The following TEX9 variants were observed in gnomAD, a reference collection of about 807,000 sequenced individuals.
TEX9 encodes testis expressed 9.
A neutral mutation model predicts 59.6 loss-of-function variants in TEX9; 74 were observed. The ratio of observed to expected loss-of-function variants is 1.24; its 90% confidence interval spans 1.03 to 1.51. The LOEUF (loss-of-function observed/expected upper bound fraction) is 1.51. TEX9 is among the 40% of genes most tolerant of loss of function. The probability of loss-of-function intolerance (pLI) is 0.00; values close to 1 mark genes in which losing one functional copy is unlikely to be tolerated. For missense variants in TEX9, 522 were observed against 447.8 expected (o/e 1.17, Z -1.49); for synonymous variants, 186 against 152.2 (o/e 1.22, Z -1.64).
Position 56,339,414 on chromosome 15 carries a change from A to AAAAAAAAG in TEX9, c.-106-34027_-106-34026insAAAAAAAG, listed in dbSNP as rs2046330944. Among the ~76,000 whole-genome samples the AAAAAAAAG allele has an allele frequency of 1.4e-5, 2 of 147,134 alleles. 1 individual carries two copies. Among genetic ancestry groups the AAAAAAAAG allele is most frequent in the African/African-American group, 5.1e-5 (2 of 39,320 alleles). ...AAAAAAAAAAAAAAAAAAAAAAAAA[A>AAAAAAAAG]CAGGAGAATAACTTAGCCCCTGGGC... On this transcript the variant is annotated intron_variant, in intron 1 of 5. Transcript: ENST00000560827.
Position 56,334,342 on chromosome 15 carries a change from G to A in TEX9, c.-106-39099G>A, listed in dbSNP as rs550055912. ...ACCAGTGGAACATAGTAGAGAGCCC[G>A]GAAATAAGTCTGTACACCTACAGTG... On this transcript the variant is annotated intron_variant, in intron 1 of 5. Transcript: ENST00000560827. 1.9e-3 allele frequency among the ~76,000 whole-genome samples: 285 copies of A among 152,074 alleles called. 1 individual carries two copies. The highest frequency in any genetic ancestry group is 6.5e-3 in the African/African-American group (271 of 41,512).
chr15:56,365,328 C>A, upstream of TEX9: 1 of 1,328,704 alleles, frequency 7.5e-7, no homozygotes, highest in Non-Finnish European at 1.0e-6. Context: ...AGGCTCGCGC[C>A]GCTCGCAGCA....
intron 6 of TEX9, among the ~76,000 whole-genome samples, chr15:56,389,650 G>T (rs2048116263): frequency 6.6e-6 from 1 of 151,186 alleles, no homozygotes; most frequent in Admixed American, 6.6e-5. Context: ...TTTTATAAAT[G>T]TTATTTCTAG....
chr15:56,371,411 G>T (rs1459577622), intron 2 of TEX9, among the ~76,000 whole-genome samples: 1 of 151,626 alleles, frequency 6.6e-6, no homozygotes, highest in African/African-American at 2.4e-5. Flanking sequence ...TTCAAATTCA[G>T]CATTCTTTTA....
At chr15:56,364,320 ATT>A (rs77946095), upstream of TEX9, among the ~76,000 whole-genome samples, 1 of 144,540 alleles carries the variant, frequency 6.9e-6, no homozygotes, top group Non-Finnish European at 1.5e-5. Context: ...CACCCGGCTA[ATT>A]TTTTTTTTTT....
chr15:56,275,157 G>A (rs1249553732), intron 1 of TEX9, among the ~76,000 whole-genome samples: 5 of 152,142 alleles, frequency 3.3e-5, no homozygotes, highest in African/African-American at 1.2e-4. Context: ...TAATGGTCTA[G>A]ATCCAGAATG....
chr15:56,434,119 C>A lies in TEX9; in HGVS notation c.*29+5646C>A, dbSNP rs8038951. ...TGTTTAATGATAATGACCAAAAAAA[C>A]CCCACAACTTTTTCTTACTTTGTCT... On this transcript the variant is annotated intron_variant, in intron 12 of 12. Transcript: ENST00000352903. The A allele has an allele frequency of 8.8e-4, 1,413 of 1,602,946 alleles. 13 individuals carry two copies. The African/African-American group carries it at 0.014, about 16-fold the overall frequency.
intron 10 of TEX9, among the ~76,000 whole-genome samples, chr15:56,423,511 C>T (rs932566485): frequency 1.3e-5 from 2 of 151,814 alleles, no homozygotes; most frequent in African/African-American, 2.4e-5. Context: ...TTATTTTTTT[C>T]GTTAACATCT....
chr15:56,434,452 A>G, intron 12 of TEX9: 13 of 1,509,412 alleles, frequency 8.6e-6, no homozygotes, highest in Non-Finnish European at 1.2e-5. Flanking sequence ...CAGATTTATA[A>G]GGAAAGAGTG....
chr15:56,245,934 A>G (rs1446826157), intron 1 of TEX9, among the ~76,000 whole-genome samples: 2 of 151,976 alleles, frequency 1.3e-5, no homozygotes, highest in South Asian at 2.1e-4. Context: ...CAAGGTTCTA[A>G]TTTTTTGCCT....
intron 1 of TEX9, among the ~76,000 whole-genome samples, chr15:56,331,273 CAG>C (rs2046135186): frequency 1.3e-5 from 2 of 152,190 alleles, no homozygotes; most frequent in South Asian, 4.1e-4. Context: ...AAGGAAACAT[CAG>C]ACTTAGTCTG....
intron 1 of TEX9, among the ~76,000 whole-genome samples, chr15:56,318,888 A>T (rs1234104903): frequency 3.9e-5 from 6 of 152,106 alleles, no homozygotes; most frequent in African/African-American, 1.4e-4. Flanking sequence ...TTTTATAATT[A>T]ATAATTTATG....
intron 12 of TEX9, among the ~76,000 whole-genome samples, chr15:56,441,179 T>A (rs1205060141): frequency 2.0e-5 from 3 of 152,186 alleles, no homozygotes; most frequent in African/African-American, 4.8e-5. Context: ...TTAATTATAA[T>A]ATATTTAAGG....
chr15:56,384,595 G>C (rs1459985084), intron 4 of TEX9, among the ~76,000 whole-genome samples: 1 of 152,142 alleles, frequency 6.6e-6, no homozygotes, highest in Non-Finnish European at 1.5e-5. Context: ...TTACTATCCT[G>C]CTTATCTTTG....
intron 2 of TEX9, among the ~76,000 whole-genome samples, chr15:56,368,589 T>C (rs1489524380): frequency 2.0e-4 from 31 of 152,278 alleles, no homozygotes; most frequent in Admixed American, 2.0e-3. Context: ...TTTAGCTTCT[T>C]TAATGATTAG....
At chr15:56,414,959 G>T (rs1276152349) in intron 10 of TEX9, among the ~76,000 whole-genome samples, 1 of 151,730 alleles carries the variant, frequency 6.6e-6, no homozygotes, top group Non-Finnish European at 1.5e-5. Context: ...GTATTTAATT[G>T]TGGTTTTGAT....
intron 1 of TEX9, among the ~76,000 whole-genome samples, chr15:56,281,695 G>A (rs2044824010): frequency 6.6e-6 from 1 of 152,130 alleles, no homozygotes; most frequent in South Asian, 2.1e-4. Flanking sequence ...ACCCCATGAA[G>A]TAATTTTGTA....
chr15:56,322,090 A>G (rs1441977228), intron 1 of TEX9, among the ~76,000 whole-genome samples: 1 of 152,096 alleles, frequency 6.6e-6, no homozygotes, highest in Non-Finnish European at 1.5e-5. Flanking sequence ...TTTAAAAATA[A>G]AGGGAACCAT....
chr15:56,306,257 CAAAAAAA>C (rs55882329), intron 1 of TEX9, among the ~76,000 whole-genome samples: 2 of 79,450 alleles, frequency 2.5e-5, no homozygotes, highest in Non-Finnish European at 4.5e-5. Context: ...AGGTACATAG[CAAAAAAA>C]AAAAAAAAAA....
Sources: allele counts gnomAD v4.1 joint callset (sites outside exome capture counted in the v4.1 genomes callset), GRCh38; gene constraint gnomAD v4.1.1; transcripts MANE v1.5; gene names NCBI Gene and HGNC (gene_info 2026-07-23, HGNC 2026-07-21).